CHP1: variants seen among roughly 807,000 people sequenced by gnomAD.
The protein encoded by CHP1 is calcineurin like EF-hand protein 1.
In CHP1, 11 loss-of-function variants were observed where a neutral mutation model predicts 27.4. The observed-to-expected ratio is 0.40, with a 90% CI of 0.25 to 0.67. CHP1 has a LOEUF of 0.67. CHP1 is among the 30% of genes least tolerant of loss of function. The pLI, the probability that CHP1 is intolerant of heterozygous loss-of-function variation, is 0.38. For synonymous variants in CHP1, 89 were observed against 87.4 expected (o/e 1.02, Z -0.10); for missense variants, 169 against 251.3 (o/e 0.67, Z 2.22).
chr15:41,259,621 A>C (rs902733573), intron 3 of CHP1, among the ~76,000 whole-genome samples: 1 of 151,200 alleles, frequency 6.6e-6, no homozygotes, highest in African/African-American at 2.4e-5. Context: ...AATAATCATT[A>C]ATGTGTTTTT....
intron 1 of CHP1, 108 bp from the exon 2 acceptor site, chr15:41,243,559 T>C: frequency 1.4e-6 from 1 of 737,640 alleles, no homozygotes; most frequent in Non-Finnish European, 2.3e-6. Flanking sequence ...AGATAAGAGT[T>C]TCGACATCCC....
At chr15:41,243,804 C>G in intron 2 of CHP1, 65 bp downstream of exon 2, 4 of 1,384,456 alleles carry the variant, frequency 2.9e-6, no homozygotes, top group South Asian at 1.2e-5. Flanking sequence ...GTCTGAATAG[C>G]TGCCTTTATC....
At chr15:41,262,388 C>T (rs1019137029) in intron 3 of CHP1, among the ~76,000 whole-genome samples, 8 of 151,956 alleles carry the variant, frequency 5.3e-5, no homozygotes, top group Admixed American at 2.0e-4. Context: ...GCCTGTGGCT[C>T]GCTGCAGAGT....
intron 4 of CHP1, among the ~76,000 whole-genome samples, chr15:41,268,686 A>G (rs2140940502): frequency 6.7e-6 from 1 of 148,814 alleles, no homozygotes; most frequent in East Asian, 2.0e-4. Context: ...TCACGCCTGT[A>G]ATCCCAGCAC....
chr15:41,232,471 A>G (rs763443064), intron 1 of CHP1, among the ~76,000 whole-genome samples: 9 of 151,920 alleles, frequency 5.9e-5, no homozygotes, highest in Non-Finnish European at 1.0e-4. Context: ...TCGGCCTCCC[A>G]AAGTGCTGGG....
intron 2 of CHP1, among the ~76,000 whole-genome samples, chr15:41,249,145 A>T (rs1332479393): frequency 6.6e-6 from 1 of 152,166 alleles, no homozygotes; most frequent in East Asian, 1.9e-4. Context: ...AGTGGCTTCC[A>T]ATCTTTTGTT....
At chr15:41,251,664 T>A (rs549828274) in intron 2 of CHP1, among the ~76,000 whole-genome samples, 43 of 152,264 alleles carry the variant, frequency 2.8e-4, no homozygotes, top group South Asian at 6.2e-4. Flanking sequence ...GACTGAGTGC[T>A]CCTTATGAGA....
intron 2 of CHP1, among the ~76,000 whole-genome samples, chr15:41,256,291 G>A (rs1252399016): frequency 2.6e-5 from 4 of 152,098 alleles, no homozygotes; most frequent in Non-Finnish European, 4.4e-5. Context: ...GTATAACCTC[G>A]CCTAAGTCAT....
intron 3 of CHP1, among the ~76,000 whole-genome samples, chr15:41,258,563 G>C (rs1247219023): frequency 6.6e-6 from 1 of 152,050 alleles, no homozygotes; most frequent in Non-Finnish European, 1.5e-5. Context: ...AATAAACATA[G>C]TTCTCACCAC....
In CHP1 at chr15:41,279,082, G is replaced by A. The variant is rs185973849; in HGVS notation, c.534+193G>A. On this transcript the variant is annotated intron_variant, in intron 6 of 6. Transcript: ENST00000334660. ...AAAAATTAGCCAGGCGTGGTGGCGC[G>A]TGCCTGTAATCCCAGCTACTTGGGA... 1.3e-3 allele frequency among the ~76,000 whole-genome samples: 193 copies of A among 151,928 alleles called. 3 individuals are homozygous for A. The highest frequency in any genetic ancestry group is 4.2e-3 in the African/African-American group (174 of 41,410).
chr15:41,245,942 A>T (rs189825785), intron 2 of CHP1, among the ~76,000 whole-genome samples: 3 of 152,116 alleles, frequency 2.0e-5, no homozygotes, highest in Non-Finnish European at 4.4e-5. Context: ...TTTAGTTCTT[A>T]TATTAAGGTC....
intron 4 of CHP1, among the ~76,000 whole-genome samples, chr15:41,264,677 G>A (rs894661543): frequency 2.0e-5 from 3 of 152,062 alleles, no homozygotes; most frequent in Admixed American, 6.6e-5. Context: ...AATCTTGGAC[G>A]CAAGCAGTCA....
intron 2 of CHP1, among the ~76,000 whole-genome samples, chr15:41,244,167 C>T (rs111288588): frequency 3.8e-4 from 55 of 146,650 alleles, no homozygotes; most frequent in African/African-American, 1.3e-3. Flanking sequence ...CACTGCACTC[C>T]AGCCTCGGCA....
rs570757891 is a variant in CHP1 at position 41,279,261 on chromosome 15, A to G, written c.535-75A>G. On this transcript the variant is annotated intron_variant, in intron 6 of 6. Transcript: ENST00000334660. ...TACTGCACAGGAGGAAGGGGGGAAA[A>G]CATTACTCAGATAAGAGCTTGGGAG... is the stretch of plus-strand genomic sequence containing the variant. The G allele has an allele frequency of 3.7e-5, 46 of 1,229,080 alleles. No individual in the cohort carries two copies. The East Asian group carries it at 8.9e-4, about 24-fold the overall frequency. The allele number at this position is 1,229,080 out of a possible 1,614,324, so 76.1% of individuals were successfully genotyped here.
At chr15:41,266,737 C>T (rs760905271) in intron 4 of CHP1, among the ~76,000 whole-genome samples, 28 of 152,150 alleles carry the variant, frequency 1.8e-4, no homozygotes, top group Non-Finnish European at 2.8e-4. Context: ...AGCGGTGGCT[C>T]ACACCTGTAA....
intron 1 of CHP1, among the ~76,000 whole-genome samples, chr15:41,241,050 G>T (rs909731292): frequency 1.3e-5 from 2 of 152,144 alleles, no homozygotes; most frequent in Admixed American, 1.3e-4. Flanking sequence ...ACGAGGTTTC[G>T]CCATGTTGGC....
At chr15:41,247,743 C>T (rs1295238645) in intron 2 of CHP1, among the ~76,000 whole-genome samples, 1 of 151,732 alleles carries the variant, frequency 6.6e-6, no homozygotes, top group African/African-American at 2.4e-5. Context: ...GAGGCCGAGG[C>T]AGGCAGATCA....
intron 5 of CHP1, among the ~76,000 whole-genome samples, chr15:41,271,769 T>C (rs1199772864): frequency 2.0e-5 from 3 of 152,198 alleles, no homozygotes; most frequent in Admixed American, 2.0e-4. Context: ...CTTACATTTC[T>C]ATCAGCAAAA....
intron 1 of CHP1, among the ~76,000 whole-genome samples, chr15:41,234,629 G>A (rs761194192): frequency 7.9e-5 from 12 of 152,138 alleles, no homozygotes; most frequent in Non-Finnish European, 1.6e-4. Context: ...GTTTGGAAAA[G>A]TAATTCTGGA....
Sources: allele counts gnomAD v4.1 joint callset (sites outside exome capture counted in the v4.1 genomes callset), GRCh38; gene constraint gnomAD v4.1.1; transcripts MANE v1.5; gene names NCBI Gene and HGNC (gene_info 2026-07-23, HGNC 2026-07-21).